SLC41A2: variants seen among roughly 807,000 people sequenced by gnomAD.
SLC41A2 encodes SLC41A1-like 1.
In SLC41A2, 32 loss-of-function variants were observed where a neutral mutation model predicts 58.3. The ratio of observed to expected loss-of-function variants is 0.55; its 90% CI spans 0.41 to 0.74. The LOEUF (loss-of-function observed/expected upper bound fraction) is 0.74. Among genes scored for constraint, SLC41A2 ranks in the 30% least tolerant of loss-of-function variants. The probability of loss-of-function intolerance (pLI) is 0.00; values close to 1 mark genes in which losing one functional copy is unlikely to be tolerated. For missense variants in SLC41A2, 514 were observed against 680.6 expected (o/e 0.76, Z 2.72); for synonymous variants, 190 against 235.0 (o/e 0.81, Z 1.75).
intron 2 of SLC41A2, among the ~76,000 whole-genome samples, chr12:104,921,563 A>G (rs112791016): frequency 7.9e-5 from 12 of 152,092 alleles, no homozygotes; most frequent in African/African-American, 2.9e-4. Context: ...CCAGACAAAC[A>G]AAAGCTGGGA....
chr12:104,824,318 A>G (rs2041758665), intron 10 of SLC41A2, among the ~76,000 whole-genome samples: 1 of 151,954 alleles, frequency 6.6e-6, no homozygotes, highest in African/African-American at 2.4e-5. Flanking sequence ...GTGGAGGAAC[A>G]TATGGGCGGC....
Position 104,803,807 on chromosome 12 carries a change from TGTTTAAGCATGAACAATA to T in SLC41A2, c.*1327_*1344del, listed in dbSNP as rs2040785436. 6.6e-6 allele frequency: 1 copy of T among 152,154 alleles called. No homozygotes were observed. Among genetic ancestry groups the T allele is most frequent in the Non-Finnish European group, 1.5e-5 (1 of 68,026 alleles). 9.4% of individuals were successfully genotyped at this position (152,154 alleles called of 1,614,324 possible). On this transcript the variant is annotated 3_prime_UTR_variant, in exon 11 of 11. Coordinates refer to ENST00000258538, the MANE Select transcript of SLC41A2 (RefSeq NM_001352171.3). Reference sequence around the variant, plus strand: ...AGAAATAAGCCTGTACAAATGGATATGTTTAAGCATGAACAATAATTGAGGTAACCCACCAACTTCTTT... The same window carrying T: ...AGAAATAAGCCTGTACAAATGGATATATTGAGGTAACCCACCAACTTCTTT...
At chr12:104,848,633 AT>A (rs1449854579) in intron 8 of SLC41A2, among the ~76,000 whole-genome samples, 1 of 152,140 alleles carries the variant, frequency 6.6e-6, no homozygotes, top group African/African-American at 2.4e-5. Context: ...AATATCATAA[AT>A]TTTAAAAATA....
chr12:104,895,324 A>G lies in SLC41A2; in HGVS notation c.685T>C (p.Ser229Pro), dbSNP rs777813662. Residue 229 changes from serine (S) to proline (P), a missense_variant, in exon 4 of 11, where the codon TCA (serine) becomes CCA (proline). Physicochemically the swap from Ser to Pro is moderately conservative, Grantham distance 74. Transcript: ENST00000258538. ...STAVNIGKMD[S>P]PIEKWNLIIG... ...ATTAGGTTCCACTTTTCAATGGGTG[A>G]ATCCATCTTCCCAATATTTACCTGT... The G allele has an allele frequency of 1.6e-5, 25 of 1,612,878 alleles. No homozygotes were observed. The highest frequency in any genetic ancestry group is 2.1e-5 in the Non-Finnish European group (25 of 1,179,292).
chr12:104,822,941 A>G (rs2041696337), intron 10 of SLC41A2, among the ~76,000 whole-genome samples: 1 of 152,176 alleles, frequency 6.6e-6, no homozygotes, highest in Non-Finnish European at 1.5e-5. Flanking sequence ...GAAATAACTG[A>G]GAAATTTGAA....
intron 3 of SLC41A2, among the ~76,000 whole-genome samples, chr12:104,904,748 T>G (rs2045735958): frequency 6.6e-6 from 1 of 151,608 alleles, no homozygotes; most frequent in East Asian, 1.9e-4. Flanking sequence ...TCTTAAGGCA[T>G]CGCGTCTGGA....
At chr12:104,951,102 A>G (rs2047933870) in intron 1 of SLC41A2, among the ~76,000 whole-genome samples, 1 of 152,194 alleles carries the variant, frequency 6.6e-6, no homozygotes, top group Non-Finnish European at 1.5e-5. Context: ...AGTATTTTTA[A>G]TGGTTAAACT....
At chr12:104,921,553 C>T (rs932955506) in intron 2 of SLC41A2, among the ~76,000 whole-genome samples, 1 of 149,612 alleles carries the variant, frequency 6.7e-6, no homozygotes, top group Admixed American at 6.7e-5. Context: ...CAAAGCTATC[C>T]CAGACAAACA....
At chr12:104,861,249 G>A (rs769752338) in intron 8 of SLC41A2, 42 bp downstream of exon 8, 61 of 1,423,576 alleles carry the variant, frequency 4.3e-5, no homozygotes, top group Admixed American at 1.7e-5. Context: ...AAGAGGATAC[G>A]AAGATTTGAT....
rs369061137 is a variant in SLC41A2, at chr12:104,857,007, C to T, written c.1255+4284G>A. Among the ~76,000 whole-genome samples, 47 of 152,036 alleles carry T rather than the reference C, an allele frequency of 3.1e-4. 1 individual carries two copies. The East Asian group carries it at 8.9e-3, about 29-fold the overall frequency. Reference sequence around the variant, plus strand: ...ATTTTTAGTCTCTTTTTAAAAATAACTGAAGCAAAAAATAATAACAATATA... The same window carrying T: ...ATTTTTAGTCTCTTTTTAAAAATAATTGAAGCAAAAAATAATAACAATATA... On this transcript the variant is annotated intron_variant, in intron 8 of 10. Transcript: ENST00000258538.
chr12:104,896,853 GAGA>G (rs1214899515), intron 3 of SLC41A2, among the ~76,000 whole-genome samples: 1 of 152,190 alleles, frequency 6.6e-6, no homozygotes, highest in Non-Finnish European at 1.5e-5. Flanking sequence ...GTCTACCAGT[GAGA>G]AGAACTTGCA....
intron 1 of SLC41A2, among the ~76,000 whole-genome samples, chr12:104,939,262 A>G (rs77604839): frequency 0.038 from 5,836 of 152,302 alleles, 154 homozygotes; most frequent in East Asian, 0.11. Context: ...CAGTGTTGCA[A>G]TCATAGCTCA....
At chr12:104,814,925 T>C (rs2041327190) in intron 10 of SLC41A2, among the ~76,000 whole-genome samples, 1 of 152,266 alleles carries the variant, frequency 6.6e-6, no homozygotes. Context: ...TAGTCTGTTC[T>C]AGCTCTAAAT....
intron 3 of SLC41A2, among the ~76,000 whole-genome samples, chr12:104,905,818 A>G (rs975190962): frequency 2.0e-5 from 3 of 152,224 alleles, no homozygotes; most frequent in Non-Finnish European, 2.9e-5. Context: ...TGCGGGGCCC[A>G]CCAAGCCCAC....
At chr12:104,945,796 T>C (rs1565922660) in intron 1 of SLC41A2, among the ~76,000 whole-genome samples, 1 of 152,226 alleles carries the variant, frequency 6.6e-6, no homozygotes, top group African/African-American at 2.4e-5. Context: ...CAATTCAGAA[T>C]TCTGCTGTAC....
chr12:104,916,030 T>G (rs1352590997), intron 2 of SLC41A2, among the ~76,000 whole-genome samples: 1 of 152,214 alleles, frequency 6.6e-6, no homozygotes, highest in Non-Finnish European at 1.5e-5. Flanking sequence ...GAGATAATCA[T>G]GTGGTTTTTG....
chr12:104,922,329 T>C (rs1308442701), intron 2 of SLC41A2, among the ~76,000 whole-genome samples: 1 of 152,034 alleles, frequency 6.6e-6, no homozygotes, highest in Non-Finnish European at 1.5e-5. Flanking sequence ...GAAAAATATA[T>C]TCCATGCAAC....
In SLC41A2 at chr12:104,874,463, G is replaced by A. The variant is rs189402662; in HGVS notation, c.1028-7884C>T. Among the ~76,000 whole-genome samples, 142 of 152,286 alleles carry A rather than the reference G, an allele frequency of 9.3e-4. 1 individual carries two copies. In the East Asian group the frequency reaches 0.018, roughly 19 times the overall value. On this transcript the variant is annotated intron_variant, in intron 6 of 10. Coordinates refer to ENST00000258538, the MANE Select transcript of SLC41A2 (RefSeq NM_001352171.3). ...TTTTCTCCTATGTTTTCTACTAGGA[G>A]TTACATGGCTTCAGGCGTTATGTTT... is the stretch of plus-strand genomic sequence containing the variant.
At chr12:104,896,168 G>C (rs989050808) in intron 3 of SLC41A2, among the ~76,000 whole-genome samples, 3 of 152,168 alleles carry the variant, frequency 2.0e-5, no homozygotes, top group Non-Finnish European at 2.9e-5. Flanking sequence ...AGTAAGGGTT[G>C]TTATTCATGG....
Sources: gnomAD v4.1 joint callset for allele counts (sites outside exome capture counted in the v4.1 genomes callset) on GRCh38, gnomAD v4.1.1 for gene constraint, MANE v1.5 for transcripts, NCBI Gene and HGNC (gene_info 2026-07-23, HGNC 2026-07-21) for gene names.